The following RBM6 variants were observed in gnomAD, a reference collection of about 807,000 sequenced individuals.
RBM6 encodes RNA binding motif protein 6.
A neutral mutation model predicts 140.4 loss-of-function variants in RBM6; 23 were observed. The ratio of observed to expected loss-of-function variants is 0.16; its 90% CI spans 0.12 to 0.23. The LOEUF (loss-of-function observed/expected upper bound fraction) is 0.23. Ranked by LOEUF, RBM6 falls within the 10% of genes least tolerant of loss-of-function variation. RBM6 has a pLI of 1.00. For missense variants in RBM6, 1,139 were observed against 1,386.7 expected (o/e 0.82, Z 2.84); for synonymous variants, 439 against 475.6 (o/e 0.92, Z 1.00).
chr3:50,029,669 G>A (rs529393351), intron 6 of RBM6, among the ~76,000 whole-genome samples: 5 of 152,122 alleles, frequency 3.3e-5, no homozygotes, highest in Non-Finnish European at 7.3e-5. Context: ...GGAGGCAGAG[G>A]TTGCAGTGAG....
chr3:49,956,622 A>G (rs1384072996), intron 1 of RBM6, among the ~76,000 whole-genome samples: 1 of 149,574 alleles, frequency 6.7e-6, no homozygotes. Flanking sequence ...GTAAGCCATC[A>G]CGCCTGGCCC....
intron 8 of RBM6, among the ~76,000 whole-genome samples, chr3:50,055,411 CAG>C (rs912903789): frequency 2.0e-5 from 3 of 151,980 alleles, no homozygotes. Flanking sequence ...GCCTAGGCAA[CAG>C]AGTGAGAAAA....
intron 6 of RBM6, among the ~76,000 whole-genome samples, chr3:50,043,799 G>T (rs1403698837): frequency 6.6e-6 from 1 of 151,722 alleles, no homozygotes; most frequent in Non-Finnish European, 1.5e-5. Context: ...GGCAGGGATG[G>T]TCTTGATCTC....
intron 14 of RBM6, 137 bp downstream of exon 14, chr3:50,061,684 A>C (rs1340284763): frequency 5.5e-6 from 8 of 1,462,046 alleles, no homozygotes; most frequent in African/African-American, 1.4e-5. Context: ...AAAAGTGGAA[A>C]AGTTTAGATC....
rs576856328 is a variant in RBM6 at position 49,973,222 on chromosome 3, G to C, written c.1413+1074G>C. ...CGGCTCACTGCAGCTTCTACCTCTT[G>C]GGCTCAATCGATCCTACCACCTCAG... On this transcript the variant is annotated intron_variant, in intron 4 of 20. Coordinates refer to ENST00000266022, the MANE Select transcript of RBM6 (RefSeq NM_005777.3). Among the ~76,000 whole-genome samples the C allele has an allele frequency of 2.6e-5, 4 of 152,042 alleles. No individual in the cohort carries two copies. In the South Asian group the frequency reaches 8.3e-4, roughly 32 times the overall value.
chr3:49,991,483 T>C (rs2085822519), intron 5 of RBM6, among the ~76,000 whole-genome samples: 1 of 152,198 alleles, frequency 6.6e-6, no homozygotes, highest in Non-Finnish European at 1.5e-5. Context: ...TGAAGCTATC[T>C]AGGGGCTTTC....
chr3:50,057,654 A>G, intron 8 of RBM6, 74 bp from the exon 9 acceptor site: 2 of 1,319,620 alleles, frequency 1.5e-6, no homozygotes, highest in Middle Eastern at 2.0e-4. Context: ...GAGAAATTAC[A>G]GTAGCAGTGT....
chr3:49,955,492 G>A (rs566739429), intron 1 of RBM6, among the ~76,000 whole-genome samples: 117 of 152,018 alleles, frequency 7.7e-4, no homozygotes, highest in Non-Finnish European at 1.4e-3. Context: ...TCGCCTCCCA[G>A]GTTCAAGTGA....
At position 49,962,561 on chromosome 3, in the gene RBM6, G is replaced by C; in HGVS notation, c.-66-15G>C. 1 of 1,283,362 alleles carries C rather than the reference G, an allele frequency of 7.8e-7. No individual in the cohort carries two copies. The highest frequency in any genetic ancestry group is 1.1e-6 in the Non-Finnish European group (1 of 923,950). The allele number at this position is 1,283,362 out of a possible 1,614,324, so 79.5% of individuals were successfully genotyped here. ...ACATTCTAAAGTACTAATTTTTGTG[G>C]TTTATTTTGTACAGGTACTGCTATA... On this transcript the variant is annotated splice_polypyrimidine_tract_variant and intron_variant, in intron 1 of 20. Transcript: ENST00000266022.
At chr3:50,059,066 T>C (rs2089834261) in intron 10 of RBM6, among the ~76,000 whole-genome samples, 1 of 152,182 alleles carries the variant, frequency 6.6e-6, no homozygotes, top group Non-Finnish European at 1.5e-5. Context: ...CGTCTGGTTT[T>C]CTAGGTTCAT....
At position 50,015,437 on chromosome 3, in the gene RBM6, T is replaced by TA. The variant is rs1258242304; in HGVS notation, c.1557+15924_1557+15925insA. ...TTATTTTATTATTATTATTATTTTT[T>TA]TTTTTTTTTTTGAGATGGAGCCTCG... On this transcript the variant is annotated intron_variant, in intron 6 of 20. Coordinates refer to ENST00000266022, the MANE Select transcript of RBM6 (RefSeq NM_005777.3). Among the ~76,000 whole-genome samples, 158 of 131,966 alleles carry TA rather than the reference T, an allele frequency of 1.2e-3. 1 individual carries two copies. The highest frequency in any genetic ancestry group is 5.8e-3 in the South Asian group (23 of 3,948). The allele number at this position is 131,966 out of a possible 152,430, so 86.6% of individuals were successfully genotyped here.
At position 49,968,337 on chromosome 3, in the gene RBM6, A is replaced by G. The variant is rs775030359; in HGVS notation, c.912A>G (p.Glu304=). The part of the protein sequence containing the change: ...DYIQPSTQDR[E]HSGMNVNRRE... ...TTCAGCCCTCTACACAAGATAGAGAACATTCTGGTATGAATGTGAACAGGA... is the reference window on the plus strand; with the variant it reads ...TTCAGCCCTCTACACAAGATAGAGAGCATTCTGGTATGAATGTGAACAGGA... Residue 304 remains glutamate, a synonymous_variant, in exon 3 of 21, where the codon GAA becomes GAG. Transcript: ENST00000266022. The G allele has an allele frequency of 1.9e-6, 3 of 1,614,212 alleles. No homozygotes were observed. The South Asian group carries it at 3.3e-5, about 18-fold the overall frequency.
intron 6 of RBM6, among the ~76,000 whole-genome samples, chr3:50,022,026 C>T (rs952082290): frequency 1.3e-5 from 2 of 151,644 alleles, no homozygotes; most frequent in Admixed American, 6.6e-5. Context: ...TGCACTGTAG[C>T]CTGGGTGACA....
At chr3:50,023,462 C>T (rs2087624330) in intron 6 of RBM6, among the ~76,000 whole-genome samples, 1 of 151,982 alleles carries the variant, frequency 6.6e-6, no homozygotes, top group Non-Finnish European at 1.5e-5. Flanking sequence ...CCTGCCACCA[C>T]ACCTGACTAA....
intron 7 of RBM6, among the ~76,000 whole-genome samples, chr3:50,050,774 AAAT>A (rs2089433611): frequency 6.6e-6 from 1 of 152,168 alleles, no homozygotes; most frequent in Non-Finnish European, 1.5e-5. Context: ...AATGGGTATG[AAAT>A]AATATCTCAT....
chr3:50,072,707 G>C (rs1296676151), intron 19 of RBM6, among the ~76,000 whole-genome samples: 1 of 152,150 alleles, frequency 6.6e-6, no homozygotes, highest in Non-Finnish European at 1.5e-5. Flanking sequence ...ATTTTTATGA[G>C]TTGTTACAGT....
Position 50,058,578 on chromosome 3 carries a change from C to T in RBM6, c.2130+16C>T. 6.3e-7 allele frequency: 1 copy of T among 1,588,516 alleles called. No individual in the cohort carries two copies. The highest frequency in any genetic ancestry group is 8.6e-7 in the Non-Finnish European group (1 of 1,157,772). ...CTCCCATGCGGTGAGTTTCCTCCAC[C>T]TTGGATTGGCCTAGAGACAGATGGC... On this transcript the variant is annotated intron_variant, in intron 10 of 20. Coordinates refer to ENST00000266022, the MANE Select transcript of RBM6 (RefSeq NM_005777.3).
chr3:49,942,860 CAAAAAAAAA>C (rs2083348056), intron 1 of RBM6, among the ~76,000 whole-genome samples: 1 of 150,530 alleles, frequency 6.6e-6, no homozygotes, highest in Non-Finnish European at 1.5e-5. Flanking sequence ...GACTCCATCT[CAAAAAAAAA>C]GAAAAAAAGA....
chr3:50,015,177 G>A lies in RBM6; in HGVS notation c.1557+15664G>A, dbSNP rs371805675. ...GCTGGAGTGCAGTAGCACCATCTTG[G>A]CTCACTGCAACCCCCCGCCTGCCAG... On this transcript the variant is annotated intron_variant, in intron 6 of 20. Transcript: ENST00000266022. 1.2e-4 allele frequency among the ~76,000 whole-genome samples: 18 copies of A among 150,608 alleles called. No homozygotes were observed. In the East Asian group the frequency reaches 2.3e-3, roughly 20 times the overall value.
Sources: allele counts gnomAD v4.1 joint callset (sites outside exome capture counted in the v4.1 genomes callset), GRCh38; gene constraint gnomAD v4.1.1; transcripts MANE v1.5; gene names NCBI Gene and HGNC (gene_info 2026-07-23, HGNC 2026-07-21).